The following PBRM1 variants were observed in gnomAD, a reference collection of about 807,000 sequenced individuals.
The protein encoded by PBRM1 is polybromo 1, also known as protein polybromo-1.
A neutral mutation model predicts 194.5 loss-of-function variants in PBRM1; 27 were observed. That is an observed-to-expected ratio of 0.14 (90% CI 0.10 to 0.19). The LOEUF is 0.19. Among genes scored for constraint, PBRM1 ranks in the 10% least tolerant of loss-of-function variants. The pLI is 1.00. For synonymous variants in PBRM1, 655 were observed against 693.2 expected (o/e 0.94, Z 0.87); for missense variants, 1,466 against 2,077.2 (o/e 0.71, Z 5.72).
chr3:52,583,786 T>G (rs11720159), intron 20 of PBRM1, among the ~76,000 whole-genome samples: 69,150 of 151,932 alleles, frequency 0.46, 16,085 homozygotes, highest in African/African-American at 0.52. Context: ...ATAGGTAAAT[T>G]ACTGTTTTTC....
At chr3:52,578,801 C>T (rs1327469697) in intron 21 of PBRM1, among the ~76,000 whole-genome samples, 1 of 152,114 alleles carries the variant, frequency 6.6e-6, no homozygotes, top group East Asian at 1.9e-4. Context: ...CAAATTTATG[C>T]TAAAGGAGTT....
At chr3:52,557,179 C>T (rs1309239148) in intron 26 of PBRM1, among the ~76,000 whole-genome samples, 2 of 152,190 alleles carry the variant, frequency 1.3e-5, no homozygotes, top group Non-Finnish European at 2.9e-5. Context: ...AGATCAACAT[C>T]AGTTACACTG....
At chr3:52,671,621 T>C (rs1331528027) in intron 2 of PBRM1, among the ~76,000 whole-genome samples, 3 of 152,232 alleles carry the variant, frequency 2.0e-5, no homozygotes, top group East Asian at 1.9e-4. Flanking sequence ...TAAGATATGA[T>C]TGGGAAAATG....
chr3:52,656,926 T>C (rs997728354), intron 5 of PBRM1, among the ~76,000 whole-genome samples: 41 of 130,908 alleles, frequency 3.1e-4, no homozygotes, highest in African/African-American at 1.0e-3. Flanking sequence ...CCAAAAAACT[T>C]ATAAACAAAA....
chr3:52,601,670 G>A (rs2094003039), intron 17 of PBRM1, among the ~76,000 whole-genome samples: 1 of 152,070 alleles, frequency 6.6e-6, no homozygotes, highest in Admixed American at 6.6e-5. Flanking sequence ...GCCATGCTTT[G>A]GGCCCCAGAG....
chr3:52,622,953 C>T (rs2095330811), intron 13 of PBRM1, among the ~76,000 whole-genome samples: 1 of 152,188 alleles, frequency 6.6e-6, no homozygotes, highest in Non-Finnish European at 1.5e-5. Context: ...ACACTATGCA[C>T]TCTCATTTAA....
chr3:52,672,081 T>C (rs984658550), intron 2 of PBRM1, among the ~76,000 whole-genome samples: 2 of 152,200 alleles, frequency 1.3e-5, no homozygotes, highest in African/African-American at 2.4e-5. Flanking sequence ...ATCAAGGTAT[T>C]AGCAGGGCTG....
At chr3:52,665,758 C>T (rs2096821642) in intron 3 of PBRM1, among the ~76,000 whole-genome samples, 1 of 152,132 alleles carries the variant, frequency 6.6e-6, no homozygotes, top group South Asian at 2.1e-4. Context: ...CCACTGCTGT[C>T]CATGGAAGAA....
chr3:52,547,086 T>C (rs2079776913), downstream of PBRM1: 1 of 233,138 alleles, frequency 4.3e-6, no homozygotes, highest in Non-Finnish European at 8.5e-6. Flanking sequence ...TTAGGTGTTA[T>C]GTTTAAAAAT....
chr3:52,607,416 C>CA (rs923323128), intron 16 of PBRM1, among the ~76,000 whole-genome samples: 4 of 151,936 alleles, frequency 2.6e-5, no homozygotes, highest in Non-Finnish European at 4.4e-5. Flanking sequence ...GCCTCAAAAG[C>CA]AAAAAACAAC....
At chr3:52,681,804 T>A (rs1314054970), upstream of PBRM1, 7 of 689,438 alleles carry the variant, frequency 1.0e-5, no homozygotes, top group Non-Finnish European at 1.1e-5. Flanking sequence ...GCTGATTCAG[T>A]GTTAGTATAT....
intron 5 of PBRM1, among the ~76,000 whole-genome samples, chr3:52,656,928 TAA>T (rs3041438): frequency 0.34 from 51,284 of 151,892 alleles, 9,636 homozygotes; most frequent in Admixed American, 0.46. Flanking sequence ...AAAAAACTTA[TAA>T]ACAAAAGGTA....
At chr3:52,676,137 A>T (rs1216107125) in intron 2 of PBRM1, among the ~76,000 whole-genome samples, 11 of 122,456 alleles carry the variant, frequency 9.0e-5, no homozygotes, top group South Asian at 2.5e-4. Flanking sequence ...AAAAAAAAAA[A>T]AAAAAAAAAA....
intron 17 of PBRM1, among the ~76,000 whole-genome samples, chr3:52,598,001 G>T (rs1269357809): frequency 6.6e-6 from 1 of 152,130 alleles, no homozygotes; most frequent in Non-Finnish European, 1.5e-5. Context: ...ACTGCACCCT[G>T]CCAATTATCT....
chr3:52,563,558 G>C, intron 23 of PBRM1, 65 bp from the exon 26 acceptor site: 5 of 1,136,604 alleles, frequency 4.4e-6, no homozygotes, highest in Non-Finnish European at 6.6e-6. Context: ...CCGGAAAGCA[G>C]TGTTCCACCT....
chr3:52,603,514 A>C lies in PBRM1; in HGVS notation c.2779+7T>G. ...TTTCATATTCAATAAAATGAAAAGA[A>C]ACCAACCTCTTTTTTCTTCTTCTCG... On this transcript the variant is annotated splice_region_variant and intron_variant, in intron 17 of 29. Coordinates refer to ENST00000296302, the Ensembl canonical transcript of PBRM1. 6.3e-7 allele frequency: 1 copy of C among 1,592,962 alleles called. No individual in the cohort carries two copies. The highest frequency in any genetic ancestry group is 8.6e-7 in the Non-Finnish European group (1 of 1,166,066).
At chr3:52,556,769 G>A (rs1283518047) in intron 26 of PBRM1, among the ~76,000 whole-genome samples, 1 of 152,078 alleles carries the variant, frequency 6.6e-6, no homozygotes, top group Non-Finnish European at 1.5e-5. Flanking sequence ...CCAAAGAGTG[G>A]TTACTGCAGA....
At chr3:52,579,328 G>A (rs980880092) in intron 20 of PBRM1, 129 bp from the exon 23 acceptor site, 2 of 824,812 alleles carry the variant, frequency 2.4e-6, no homozygotes, top group African/African-American at 1.7e-5. Context: ...CGTGGCTCAC[G>A]TAATCCCAGC....
intron 17 of PBRM1, among the ~76,000 whole-genome samples, chr3:52,598,777 T>A (rs1322136527): frequency 6.6e-6 from 1 of 152,068 alleles, no homozygotes; most frequent in East Asian, 1.9e-4. Context: ...TCCTAGCACT[T>A]TGGGAGGCGG....
Sources: allele counts gnomAD v4.1 joint callset (sites outside exome capture counted in the v4.1 genomes callset), GRCh38; gene constraint gnomAD v4.1.1; transcripts MANE v1.5; gene names NCBI Gene and HGNC (gene_info 2026-07-23, HGNC 2026-07-21).